AKAP19: variants seen among roughly 807,000 people sequenced by gnomAD.
AKAP19 encodes small A-kinase anchoring protein.
At chr2:189,982,268 A>C in the AKAP19 span, among the ~76,000 whole-genome samples, 1 of 151,944 alleles carries the variant, frequency 6.6e-6, no homozygotes, top group Non-Finnish European at 1.5e-5. Context: ...CAAGCTCTGA[A>C]ATTCTTTCTC....
At chr2:189,982,944 A>T in the AKAP19 span, among the ~76,000 whole-genome samples, 2 of 152,116 alleles carry the variant, frequency 1.3e-5, no homozygotes, top group East Asian at 3.9e-4. Flanking sequence ...CTCTGATAGC[A>T]GGTTTTTTGT....
the AKAP19 span, among the ~76,000 whole-genome samples, chr2:189,975,387 G>A: frequency 2.8e-3 from 420 of 152,274 alleles, 18 homozygotes; most frequent in East Asian, 0.061. Flanking sequence ...TGGGTAACCC[G>A]ACCTTTCTCT....
At chr2:190,167,356 C>T in the AKAP19 span, among the ~76,000 whole-genome samples, 2 of 152,162 alleles carry the variant, frequency 1.3e-5, no homozygotes, top group South Asian at 2.1e-4. Context: ...TCCCACAACA[C>T]GTGGGAATTC....
chr2:190,081,214 A>T, the AKAP19 span, among the ~76,000 whole-genome samples: 45 of 97,772 alleles, frequency 4.6e-4, no homozygotes, highest in South Asian at 7.4e-4. Flanking sequence ...CCATCCTCCC[A>T]TCCCCCCATC....
the AKAP19 span, among the ~76,000 whole-genome samples, chr2:189,978,650 T>A: frequency 6.6e-6 from 1 of 152,108 alleles, no homozygotes; most frequent in African/African-American, 2.4e-5. Context: ...GAAAACATGG[T>A]ATTTGATTTT....
chr2:190,100,369 T>A, the AKAP19 span, among the ~76,000 whole-genome samples: 1 of 152,202 alleles, frequency 6.6e-6, no homozygotes, highest in Non-Finnish European at 1.5e-5. Flanking sequence ...TTTGTTGCTG[T>A]TTTGGTTTGG....
chr2:189,946,527 G>A, the AKAP19 span, among the ~76,000 whole-genome samples: 12 of 152,222 alleles, frequency 7.9e-5, no homozygotes, highest in Admixed American at 2.0e-4. Flanking sequence ...CCTGAAAGTA[G>A]CATTGGAACA....
the AKAP19 span, among the ~76,000 whole-genome samples, chr2:190,052,534 C>T: frequency 1.3e-5 from 2 of 152,076 alleles, no homozygotes; most frequent in Admixed American, 1.3e-4. Context: ...CTGAGTTCCA[C>T]GGGAATACAG....
At chr2:189,957,146 C>T in the AKAP19 span, among the ~76,000 whole-genome samples, 1 of 152,012 alleles carries the variant, frequency 6.6e-6, no homozygotes, top group African/African-American at 2.4e-5. Flanking sequence ...CTGCACTCAG[C>T]CTGGGCAACA....
the AKAP19 span, among the ~76,000 whole-genome samples, chr2:190,151,655 G>C: frequency 4.0e-3 from 603 of 152,276 alleles, 3 homozygotes; most frequent in Middle Eastern, 0.02. Flanking sequence ...ATTGTGAATA[G>C]TGCTGCAATG....
chr2:189,935,262 T>A, the AKAP19 span, among the ~76,000 whole-genome samples: 2 of 151,902 alleles, frequency 1.3e-5, no homozygotes, highest in African/African-American at 2.4e-5. Context: ...TGAAGAGAAG[T>A]CATTTGGAGT....
At chr2:189,914,745 T>C in the AKAP19 span, among the ~76,000 whole-genome samples, 1 of 152,082 alleles carries the variant, frequency 6.6e-6, no homozygotes, top group Non-Finnish European at 1.5e-5. Context: ...ACATTTATTG[T>C]ACTCTTAGTA....
At chr2:189,974,697 GTTC>G in the AKAP19 span, among the ~76,000 whole-genome samples, 3 of 152,202 alleles carry the variant, frequency 2.0e-5, no homozygotes, top group African/African-American at 4.8e-5. Flanking sequence ...ATTTAGGATA[GTTC>G]TTCTTGTTGC....
chr2:190,003,498 CTTCT>C, the AKAP19 span, among the ~76,000 whole-genome samples: 5 of 150,548 alleles, frequency 3.3e-5, no homozygotes, highest in African/African-American at 1.0e-4. Context: ...TAACATTGTC[CTTCT>C]ATTTCTTTAC....
At chr2:190,181,326 T>C in the AKAP19 span, 5 of 202,550 alleles carry the variant, frequency 2.5e-5, no homozygotes, top group Non-Finnish European at 4.4e-5. Flanking sequence ...TCAATTTTGT[T>C]CTGGGCTTCC....
At chr2:190,111,877 C>A in the AKAP19 span, among the ~76,000 whole-genome samples, 1 of 151,928 alleles carries the variant, frequency 6.6e-6, no homozygotes, top group African/African-American at 2.4e-5. Flanking sequence ...TATTCAACAT[C>A]ATGGTTTTTT....
At chr2:190,042,274 A>G in the AKAP19 span, among the ~76,000 whole-genome samples, 5 of 151,996 alleles carry the variant, frequency 3.3e-5, no homozygotes, top group Admixed American at 6.6e-5. Context: ...GAATTTATCT[A>G]TCTCTTCTAG....
the AKAP19 span, among the ~76,000 whole-genome samples, chr2:190,135,880 T>C: frequency 6.6e-6 from 1 of 152,176 alleles, no homozygotes; most frequent in Admixed American, 6.5e-5. Context: ...AAGATACCAG[T>C]TGGGGCATTC....
chr2:190,000,392 C>T, the AKAP19 span, among the ~76,000 whole-genome samples: 1 of 152,230 alleles, frequency 6.6e-6, no homozygotes, highest in Non-Finnish European at 1.5e-5. Flanking sequence ...AGCTCATCCT[C>T]AAACCACAAG....
Sources: gnomAD v4.1 joint callset for allele counts (sites outside exome capture counted in the v4.1 genomes callset) on GRCh38, gnomAD v4.1.1 for gene constraint, MANE v1.5 for transcripts, NCBI Gene and HGNC (gene_info 2026-07-23, HGNC 2026-07-21) for gene names.